ZBBX: variants seen among roughly 807,000 people sequenced by gnomAD.
ZBBX encodes the protein zinc finger B-box domain containing.
Under a neutral mutation model 108.5 loss-of-function variants are expected in ZBBX, and 101 were observed. The observed-to-expected ratio is 0.93, with a 90% CI of 0.79 to 1.10. The LOEUF (loss-of-function observed/expected upper bound fraction) is 1.10, where lower values mean the gene tolerates loss of function less well. Among genes scored for constraint, ZBBX ranks in the 50% least tolerant of loss-of-function variants. ZBBX has a pLI of 0.00. For synonymous variants in ZBBX, 356 were observed against 323.4 expected, an observed-to-expected ratio of 1.10 and a Z score of -1.08; for missense variants, 1,009 against 941.4, an observed-to-expected ratio of 1.07 and a Z score of -0.94.
chr3:167,232,959 C>T, the ZBBX span, among the ~76,000 whole-genome samples: 1 of 151,672 alleles, frequency 6.6e-6, no homozygotes, highest in Admixed American at 6.6e-5. Context: ...TGTCACCTTT[C>T]CCCTTTTATA....
At chr3:167,199,203 T>C in the ZBBX span, among the ~76,000 whole-genome samples, 2 of 152,090 alleles carry the variant, frequency 1.3e-5, no homozygotes, top group Non-Finnish European at 1.5e-5. Context: ...ATGTGAGAGA[T>C]TGTGAAATAT....
chr3:167,292,228 C>T (rs1043892783), intron 18 of ZBBX, among the ~76,000 whole-genome samples: 19 of 152,174 alleles, frequency 1.2e-4, no homozygotes, highest in Admixed American at 1.1e-3. Context: ...ACAGAACTCT[C>T]CACCCCAAAT....
chr3:167,321,398 A>G (rs536797308), intron 12 of ZBBX, among the ~76,000 whole-genome samples: 3 of 152,162 alleles, frequency 2.0e-5, no homozygotes, highest in Admixed American at 6.6e-5. Flanking sequence ...AACAGATTAC[A>G]GTTCAATGAA....
intron 18 of ZBBX, among the ~76,000 whole-genome samples, chr3:167,297,173 T>C (rs1263522378): frequency 1.3e-5 from 2 of 152,018 alleles, no homozygotes; most frequent in African/African-American, 2.4e-5. Context: ...CTAAATCAAG[T>C]TAATTAACAT....
chr3:167,201,357 G>T, the ZBBX span, among the ~76,000 whole-genome samples: 3 of 152,026 alleles, frequency 2.0e-5, no homozygotes, highest in Admixed American at 6.6e-5. Context: ...TTATAGCCAA[G>T]AAGTTTTTTT....
intron 15 of ZBBX, 125 bp from the exon 16 acceptor site, chr3:167,314,241 TAATA>T (rs1481051487): frequency 1.4e-6 from 1 of 707,992 alleles, no homozygotes; most frequent in East Asian, 3.2e-5. Flanking sequence ...TACATTAATT[TAATA>T]TTTATTTTAA....
chr3:167,287,572 T>C (rs534343655), intron 19 of ZBBX, among the ~76,000 whole-genome samples: 7 of 152,274 alleles, frequency 4.6e-5, no homozygotes, highest in Non-Finnish European at 1.0e-4. Flanking sequence ...ATGTTTTTTA[T>C]AGCAAATTAT....
At chr3:167,293,322 C>T (rs970947823) in intron 18 of ZBBX, among the ~76,000 whole-genome samples, 47 of 152,294 alleles carry the variant, frequency 3.1e-4, no homozygotes, top group African/African-American at 1.1e-3. Context: ...AAACCAAATC[C>T]AGTAGCACAT....
chr3:167,368,790 T>C (rs1038286812), intron 4 of ZBBX: 3 of 1,165,454 alleles, frequency 2.6e-6, no homozygotes, highest in South Asian at 6.2e-5. Context: ...GACTTTTGTT[T>C]TAATTATTAC....
chr3:167,350,644 GAGAAGCCTGTCCCAGGCTTCTC>G, intron 8 of ZBBX, 129 bp from the exon 9 acceptor site: 2 of 547,088 alleles, frequency 3.7e-6, no homozygotes, highest in Middle Eastern at 5.7e-4. Context: ...CATCAGAATT[GAGAAGCCTGTCCCAGGCTTCTC>G]AACTAGTCCC....
chr3:167,360,833 T>C, intron 6 of ZBBX, 110 bp from the exon 7 acceptor site: 2 of 495,418 alleles, frequency 4.0e-6, no homozygotes, highest in Non-Finnish European at 3.3e-6. Flanking sequence ...CGAACAAAAA[T>C]TTATTTTTAA....
intron 20 of ZBBX, among the ~76,000 whole-genome samples, chr3:167,270,055 G>T (rs969584965): frequency 2.0e-5 from 3 of 152,140 alleles, no homozygotes; most frequent in Non-Finnish European, 2.9e-5. Context: ...AAGCATACAT[G>T]CATGCTCCAA....
chr3:167,378,230 C>T lies in ZBBX; in HGVS notation c.-132+1408G>A, dbSNP rs1406745860. On this transcript the variant is annotated intron_variant, in intron 2 of 21. Coordinates refer to ENST00000675490, the MANE Select transcript of ZBBX (RefSeq NM_001199201.2). Reference sequence around the variant, plus strand: ...GGTTGCATTCAATCTTTCAGCCAAACAAGATATCTGATAGTAAAATACTGC... The same window carrying T: ...GGTTGCATTCAATCTTTCAGCCAAATAAGATATCTGATAGTAAAATACTGC... 4.6e-5 allele frequency among the ~76,000 whole-genome samples: 7 copies of T among 152,098 alleles called. No homozygotes were observed. The South Asian group carries it at 1.2e-3, about 27-fold the overall frequency.
chr3:167,308,247 A>T (rs542132528), intron 16 of ZBBX, among the ~76,000 whole-genome samples: 20 of 152,300 alleles, frequency 1.3e-4, no homozygotes, highest in African/African-American at 4.6e-4. Flanking sequence ...GCAAATCAAA[A>T]CCACAATGAG....
intron 8 of ZBBX, among the ~76,000 whole-genome samples, chr3:167,355,773 G>A (rs1743469623): frequency 6.6e-6 from 1 of 151,854 alleles, no homozygotes; most frequent in African/African-American, 2.4e-5. Flanking sequence ...CAACTAACAT[G>A]GGATATTCTT....
At chr3:167,345,361 C>T (rs1741250128) in intron 9 of ZBBX, among the ~76,000 whole-genome samples, 1 of 151,814 alleles carries the variant, frequency 6.6e-6, no homozygotes, top group Non-Finnish European at 1.5e-5. Flanking sequence ...AGGGAATGAA[C>T]ATGCACTTGT....
At chr3:167,246,198 C>T (rs1721542864) in intron 20 of ZBBX, among the ~76,000 whole-genome samples, 1 of 152,172 alleles carries the variant, frequency 6.6e-6, no homozygotes, top group African/African-American at 2.4e-5. Flanking sequence ...GTGTCATATT[C>T]CTTTTATTAA....
At chr3:167,291,964 A>G (rs534711155) in intron 18 of ZBBX, among the ~76,000 whole-genome samples, 5 of 152,338 alleles carry the variant, frequency 3.3e-5, no homozygotes, top group Admixed American at 6.5e-5. Flanking sequence ...CGAAGAAGCC[A>G]TTACATAATG....
intron 10 of ZBBX, among the ~76,000 whole-genome samples, chr3:167,329,212 C>T (rs770443874): frequency 1.1e-4 from 16 of 152,176 alleles, no homozygotes; most frequent in Non-Finnish European, 1.9e-4. Flanking sequence ...TCAGAGAGAA[C>T]AGCCACATTA....
Sources: gnomAD v4.1 joint callset for allele counts (sites outside exome capture counted in the v4.1 genomes callset) on GRCh38, gnomAD v4.1.1 for gene constraint, MANE v1.5 for transcripts, NCBI Gene and HGNC (gene_info 2026-07-23, HGNC 2026-07-21) for gene names.